The following CS variants were observed in gnomAD, a reference collection of about 807,000 sequenced individuals.
CS encodes citrate synthase, mitochondrial.
A neutral mutation model predicts 61.4 loss-of-function variants in CS; 13 were observed. The observed-to-expected ratio is 0.21, with a 90% CI of 0.14 to 0.34. The LOEUF is 0.34. Ranked by LOEUF, CS falls within the 10% of genes least tolerant of loss-of-function variation. The pLI is 1.00. For synonymous variants in CS, 159 were observed against 215.2 expected (o/e 0.74, Z 2.29); for missense variants, 278 against 573.4 (o/e 0.48, Z 5.26).
rs149080969 is a variant in CS, at chr12:56,299,214, C to T, written c.42+946G>A. On this transcript the variant is annotated intron_variant, in intron 1 of 10. Coordinates refer to ENST00000351328, the MANE Select transcript of CS (RefSeq NM_004077.3). ...TTAGAGGGCTGGGACTCCCTCAGCA[C>T]AGCAGTTTCTGTCTAAAAGGGCCAA... Among the ~76,000 whole-genome samples the T allele has an allele frequency of 4.0e-4, 61 of 152,182 alleles. 2 individuals are homozygous for T. The East Asian group carries it at 7.5e-3, about 19-fold the overall frequency.
chr12:56,280,599 C>T (rs1016644882), intron 6 of CS, among the ~76,000 whole-genome samples: 2 of 151,284 alleles, frequency 1.3e-5, no homozygotes, highest in Non-Finnish European at 2.9e-5. Context: ...TGCATCCTGG[C>T]CTGGGTGATT....
chr12:56,273,677 C>G lies in CS; in HGVS notation c.1140G>C (p.Leu380=), dbSNP rs372108588. 6.2e-7 allele frequency: 1 copy of G among 1,614,186 alleles called. No homozygotes were observed. The highest frequency in any genetic ancestry group is 1.1e-5 in the South Asian group (1 of 91,080). The part of the protein sequence containing the change: ...NDPMFKLVAQ[L]YKIVPNVLLE... ...AGAGGACATTGGGCACAATCTTGTA[C>G]AGCTGAGCAACCAACTTAAACATGG... is the stretch of plus-strand genomic sequence containing the variant. Residue 380 remains leucine (L), a synonymous_variant, in exon 10 of 11, where the codon CTG becomes CTC. Transcript: ENST00000351328.
intron 1 of CS, among the ~76,000 whole-genome samples, chr12:56,290,451 T>C (rs1873085338): frequency 6.6e-6 from 1 of 150,594 alleles, no homozygotes; most frequent in Non-Finnish European, 1.5e-5. Flanking sequence ...GACCTCGTGA[T>C]CCACCACCTC....
At chr12:56,291,615 CAGGT>C (rs1024194730) in intron 1 of CS, 25 of 152,552 alleles carry the variant, frequency 1.6e-4, no homozygotes, top group African/African-American at 5.5e-4. Context: ...ATTGATGAGA[CAGGT>C]AGATTACAAA....
chr12:56,275,312 C>T (rs748813780), intron 7 of CS, 181 bp from the exon 8 acceptor site: 14 of 674,788 alleles, frequency 2.1e-5, no homozygotes, highest in Admixed American at 8.8e-5. Context: ...CAGTGGCTCA[C>T]GCCTATAATC....
At chr12:56,277,815 A>AG (rs1483415322) in intron 6 of CS, among the ~76,000 whole-genome samples, 1 of 151,544 alleles carries the variant, frequency 6.6e-6, no homozygotes, top group African/African-American at 2.4e-5. Flanking sequence ...TTTTTAGTAG[A>AG]GGGGGGTTTC....
chr12:56,278,424 A>G (rs930990484), intron 6 of CS, among the ~76,000 whole-genome samples: 1 of 152,068 alleles, frequency 6.6e-6, no homozygotes, highest in African/African-American at 2.4e-5. Flanking sequence ...CACTGCACCC[A>G]GCCCATGTCA....
chr12:56,276,850 T>C (rs1308399733), intron 6 of CS, among the ~76,000 whole-genome samples: 2 of 152,154 alleles, frequency 1.3e-5, no homozygotes, highest in Non-Finnish European at 1.5e-5. Context: ...CCCTCTGATA[T>C]GTTTAATCAT....
intron 1 of CS, chr12:56,299,888 T>C: frequency 2.5e-6 from 1 of 405,388 alleles, no homozygotes; most frequent in Non-Finnish European, 4.5e-6. Flanking sequence ...CCCTTTCATT[T>C]CAGACATGCG....
chr12:56,283,002 G>T lies in CS; in HGVS notation c.268-11C>A. On this transcript the variant is annotated splice_polypyrimidine_tract_variant and intron_variant, in intron 4 of 10. Transcript: ENST00000351328. ...TCGGAAACGGATGCCCTTGAGAGAGGAGAGAGAGAATTACAACTCAAGTTT... is the reference window on the plus strand; with the variant it reads ...TCGGAAACGGATGCCCTTGAGAGAGTAGAGAGAGAATTACAACTCAAGTTT... The T allele has an allele frequency of 6.2e-7, 1 of 1,613,574 alleles. No individual in the cohort carries two copies. The highest frequency in any genetic ancestry group is 1.7e-4 in the Middle Eastern group (1 of 6,058).
At chr12:56,296,847 G>A (rs950687824) in intron 1 of CS, among the ~76,000 whole-genome samples, 9 of 152,130 alleles carry the variant, frequency 5.9e-5, no homozygotes, top group African/African-American at 1.9e-4. Context: ...AGGAATCACC[G>A]TTACTTTGGG....
At chr12:56,289,617 G>A (rs1407094538) in intron 1 of CS, among the ~76,000 whole-genome samples, 2 of 151,194 alleles carry the variant, frequency 1.3e-5, no homozygotes, top group Non-Finnish European at 3.0e-5. Flanking sequence ...CTAATTTTTT[G>A]TATTTTAGTA....
chr12:56,278,435 CT>C (rs1160043864), intron 6 of CS, among the ~76,000 whole-genome samples: 2 of 152,052 alleles, frequency 1.3e-5, no homozygotes, highest in Non-Finnish European at 2.9e-5. Flanking sequence ...GCCCATGTCA[CT>C]TTTTAAAAAG....
intron 1 of CS, among the ~76,000 whole-genome samples, chr12:56,288,815 AT>A (rs1270985510): frequency 3.0e-5 from 2 of 66,474 alleles, no homozygotes; most frequent in Non-Finnish European, 4.4e-5. Context: ...AGCCCAGCTA[AT>A]TAAAAAAAAA....
intron 6 of CS, among the ~76,000 whole-genome samples, chr12:56,280,212 G>C (rs962139684): frequency 6.6e-6 from 1 of 151,760 alleles, no homozygotes; most frequent in Admixed American, 6.6e-5. Context: ...TCAGAGGTTC[G>C]AGACCAGCCT....
intron 1 of CS, among the ~76,000 whole-genome samples, chr12:56,295,887 G>A (rs1270617818): frequency 4.9e-5 from 7 of 143,882 alleles, no homozygotes; most frequent in Non-Finnish European, 1.0e-4. Context: ...CCCAGAGGCG[G>A]ATCTTGCAGT....
intron 1 of CS, chr12:56,291,569 C>A (rs1197375095): frequency 6.3e-6 from 1 of 159,072 alleles, no homozygotes; most frequent in Non-Finnish European, 1.4e-5. Context: ...AAGAAAGCTG[C>A]TGAATGGCTC....
chr12:56,285,218 T>G (rs1192059063), intron 3 of CS: 10 of 441,400 alleles, frequency 2.3e-5, no homozygotes, highest in Admixed American at 1.9e-4. Flanking sequence ...AGTGCTGGGA[T>G]TACAGGCATG....
intron 1 of CS, among the ~76,000 whole-genome samples, chr12:56,295,153 C>A (rs907200846): frequency 6.6e-6 from 1 of 151,580 alleles, no homozygotes; most frequent in African/African-American, 2.4e-5. Context: ...TCTCAAACTA[C>A]TGGGCTCAAG....
Sources: gnomAD v4.1 joint callset for allele counts (sites outside exome capture counted in the v4.1 genomes callset) on GRCh38, gnomAD v4.1.1 for gene constraint, MANE v1.5 for transcripts, NCBI Gene and HGNC (gene_info 2026-07-23, HGNC 2026-07-21) for gene names.